Variants in RYR2 observed in about 807,000 individuals in gnomAD.
RYR2 encodes the protein cardiac muscle ryanodine receptor-calcium release channel.
A neutral mutation model predicts 601.1 loss-of-function variants in RYR2; 227 were observed. That is an observed-to-expected ratio of 0.38 (90% CI 0.34 to 0.42). RYR2 has a LOEUF of 0.42. RYR2 is among the 10% of genes least tolerant of loss of function. The pLI, the probability that RYR2 is intolerant of heterozygous loss-of-function variation, is 1.00. For synonymous variants in RYR2, 2,223 were observed against 2,175.1 expected (o/e 1.02, Z -0.61); for missense variants, 4,646 against 6,156.5 (o/e 0.75, Z 8.21).
intron 8 of RYR2, among the ~76,000 whole-genome samples, chr1:237,381,144 C>T (rs573938555): frequency 4.0e-5 from 6 of 149,156 alleles, no homozygotes; most frequent in Non-Finnish European, 7.4e-5. Context: ...ACTAAGGAGG[C>T]TGAGGCAGGA....
At position 237,504,036 on chromosome 1, in the gene RYR2, A is replaced by G. The variant is rs149701345; in HGVS notation, c.2613+531A>G. Among the ~76,000 whole-genome samples the G allele has an allele frequency of 6.8e-3, 1,038 of 152,286 alleles. 17 individuals are homozygous for G. The highest frequency in any genetic ancestry group is 0.024 in the African/African-American group (994 of 41,560). On this transcript the variant is annotated intron_variant, in intron 22 of 104. Transcript: ENST00000366574. ...ATTCTATGTTTTAAGTAGTTTTCCC[A>G]ACCCAATAAACTGATTCCCTAATGT...
chr1:237,812,670 T>A (rs147150136), intron 100 of RYR2, among the ~76,000 whole-genome samples: 21 of 152,278 alleles, frequency 1.4e-4, no homozygotes, highest in Non-Finnish European at 2.5e-4. Context: ...TCCATTTTAG[T>A]CATCATAAGT....
intron 10 of RYR2, among the ~76,000 whole-genome samples, chr1:237,412,726 A>C (rs1263343461): frequency 6.6e-6 from 1 of 152,094 alleles, no homozygotes; most frequent in Non-Finnish European, 1.5e-5. Context: ...TGCCATTTGC[A>C]TTAAAATCCC....
At chr1:237,248,856 G>A (rs1687170755) in intron 1 of RYR2, among the ~76,000 whole-genome samples, 1 of 151,162 alleles carries the variant, frequency 6.6e-6, no homozygotes, top group African/African-American at 2.4e-5. Flanking sequence ...CTGCCTCCCA[G>A]GTTCAAGCAA....
chr1:237,748,007 A>G (rs1260796272), intron 80 of RYR2, among the ~76,000 whole-genome samples: 4 of 152,134 alleles, frequency 2.6e-5, no homozygotes, highest in African/African-American at 9.7e-5. Flanking sequence ...TGCCAACTAC[A>G]TTTTTATACA....
At chr1:237,525,812 T>TC (rs1356487518) in intron 24 of RYR2, among the ~76,000 whole-genome samples, 7 of 151,862 alleles carry the variant, frequency 4.6e-5, no homozygotes, top group Admixed American at 3.9e-4. Flanking sequence ...CAAACCCATC[T>TC]CTACTAAAAA....
At chr1:237,328,219 A>G (rs1696349521) in intron 2 of RYR2, among the ~76,000 whole-genome samples, 1 of 152,178 alleles carries the variant, frequency 6.6e-6, no homozygotes, top group African/African-American at 2.4e-5. Context: ...GTGCCAAAGT[A>G]TAAGCCCTCA....
intron 25 of RYR2, among the ~76,000 whole-genome samples, chr1:237,540,866 G>A (rs1339013545): frequency 6.6e-6 from 1 of 151,598 alleles, no homozygotes. Flanking sequence ...GGCATAGTAG[G>A]GCAGATAAAA....
chr1:237,604,030 A>G (rs1394782331), intron 35 of RYR2, among the ~76,000 whole-genome samples: 1 of 152,198 alleles, frequency 6.6e-6, no homozygotes. Context: ...GAAAGTTAAC[A>G]AGGATATCTA....
chr1:237,175,010 A>G (rs900416202), intron 1 of RYR2, among the ~76,000 whole-genome samples: 12 of 152,308 alleles, frequency 7.9e-5, no homozygotes, highest in African/African-American at 2.4e-4. Context: ...TTATGAGTCA[A>G]CCTTTATGTT....
chr1:237,617,541 G>A (rs1678609420), intron 38 of RYR2, 55 bp downstream of exon 38: 2 of 1,541,722 alleles, frequency 1.3e-6, no homozygotes, highest in Non-Finnish European at 1.8e-6. Context: ...AGTCATTCAG[G>A]ATCTCTGCCT....
At chr1:237,086,872 A>C (rs1666392788) in intron 1 of RYR2, among the ~76,000 whole-genome samples, 1 of 152,170 alleles carries the variant, frequency 6.6e-6, no homozygotes, top group Non-Finnish European at 1.5e-5. Context: ...TATGCTTTTA[A>C]ATGAGATAGA....
At chr1:237,243,216 T>C (rs1371822914) in intron 1 of RYR2, among the ~76,000 whole-genome samples, 1 of 152,078 alleles carries the variant, frequency 6.6e-6, no homozygotes, top group Non-Finnish European at 1.5e-5. Context: ...TTTCACACTA[T>C]CTACCTGGAG....
rs550470261 is a variant in RYR2, at chr1:237,066,880, G to A, written c.48+24311G>A. Among the ~76,000 whole-genome samples, 52 of 152,060 alleles carry A rather than the reference G, an allele frequency of 3.4e-4. 2 individuals are homozygous for A. The highest frequency in any genetic ancestry group is 2.2e-3 in the Admixed American group (34 of 15,270). On this transcript the variant is annotated intron_variant, in intron 1 of 104. Transcript: ENST00000366574. ...TCTCGATCTCCTGACCTCGCAATCC[G>A]CCCGCCTCGGCCTCCCAAAGTGCTG...
At chr1:237,516,524 C>G (rs1416466538) in intron 24 of RYR2, among the ~76,000 whole-genome samples, 4 of 152,204 alleles carry the variant, frequency 2.6e-5, no homozygotes, top group Non-Finnish European at 4.4e-5. Context: ...CACTCCGTGA[C>G]TTAATTACCA....
rs958109997 is a variant in RYR2 at position 237,546,376 on chromosome 1, G to T, written c.2907-2055G>T. On this transcript the variant is annotated intron_variant, in intron 25 of 104. Transcript: ENST00000366574. ...GTGTCTATAGATAAATTACTTTTTT[G>T]TTGTTGTTGTTGTTTTTTTGAGACA... Among the ~76,000 whole-genome samples, 41 of 152,078 alleles carry T rather than the reference G, an allele frequency of 2.7e-4. 1 individual carries two copies. The highest frequency in any genetic ancestry group is 7.9e-4 in the Admixed American group (12 of 15,280).
chr1:237,816,869 A>G (rs959002254), intron 100 of RYR2, among the ~76,000 whole-genome samples: 1 of 152,102 alleles, frequency 6.6e-6, no homozygotes, highest in Non-Finnish European at 1.5e-5. Context: ...TAGCTTCAGG[A>G]TATTTTTTTA....
intron 48 of RYR2, 72 bp downstream of exon 48, chr1:237,643,519 G>T: frequency 6.3e-7 from 1 of 1,577,874 alleles, no homozygotes; most frequent in South Asian, 1.1e-5. Flanking sequence ...AATGTTTTCC[G>T]TACTCAACAT....
intron 63 of RYR2, among the ~76,000 whole-genome samples, chr1:237,693,213 T>G (rs1478128944): frequency 1.3e-5 from 2 of 152,096 alleles, no homozygotes; most frequent in African/African-American, 2.4e-5. Context: ...ATCATGTTTT[T>G]TTTTTTTTTC....
Sources: gnomAD v4.1 joint callset for allele counts (sites outside exome capture counted in the v4.1 genomes callset) on GRCh38, gnomAD v4.1.1 for gene constraint, MANE v1.5 for transcripts, NCBI Gene and HGNC (gene_info 2026-07-23, HGNC 2026-07-21) for gene names.